The following BMP2K variants were observed in gnomAD, a reference collection of about 807,000 sequenced individuals.
BMP2K encodes the protein BMP2 inducible kinase.
In BMP2K, 74 loss-of-function variants were observed where a neutral mutation model predicts 116.0. That is an observed-to-expected ratio of 0.64 (90% CI 0.53 to 0.77). The LOEUF (loss-of-function observed/expected upper bound fraction) is 0.77, where lower values mean the gene tolerates loss of function less well. Among genes scored for constraint, BMP2K ranks in the 30% least tolerant of loss-of-function variants. The pLI, the probability that BMP2K is intolerant of heterozygous loss-of-function variation, is 0.00. For missense variants in BMP2K, 1,365 were observed against 1,403.6 expected (o/e 0.97, Z 0.44); for synonymous variants, 486 against 502.5 (o/e 0.97, Z 0.44).
chr4:78,800,110 G>A (rs1728495916), intron 1 of BMP2K, among the ~76,000 whole-genome samples: 1 of 152,180 alleles, frequency 6.6e-6, no homozygotes, highest in Non-Finnish European at 1.5e-5. Context: ...TTGAACAATT[G>A]TAGAGTGTGC....
rs528261157 is a variant in BMP2K, at chr4:78,859,785, A to G, written c.987+98A>G. The stretch of plus-strand genomic sequence containing the variant: ...TTACTTTTTTTTTGTTGCTGTTGCT[A>G]AAACTCAGAGTTTCTTGTTTCATGA... On this transcript the variant is annotated intron_variant, in intron 8 of 15. Coordinates refer to ENST00000502613, the MANE Select transcript of BMP2K (RefSeq NM_198892.2). 6.4e-6 allele frequency: 5 copies of G among 783,952 alleles called. No individual in the cohort carries two copies. In the East Asian group the frequency reaches 1.3e-4, roughly 21 times the overall value. 48.6% of individuals were successfully genotyped at this position (783,952 alleles called of 1,614,324 possible).
chr4:78,895,376 T>G (rs1387094209), intron 15 of BMP2K, among the ~76,000 whole-genome samples: 1 of 152,232 alleles, frequency 6.6e-6, no homozygotes, highest in Non-Finnish European at 1.5e-5. Context: ...TTCACACATT[T>G]TGATATGCTG....
At chr4:78,846,177 A>G (rs1730988672) in intron 5 of BMP2K, among the ~76,000 whole-genome samples, 1 of 151,656 alleles carries the variant, frequency 6.6e-6, no homozygotes, top group African/African-American at 2.4e-5. Flanking sequence ...ATTAGCGATG[A>G]ACAAAAGTTC....
chr4:78,820,907 C>T (rs894052266), intron 1 of BMP2K: 8 of 152,962 alleles, frequency 5.2e-5, no homozygotes, highest in Admixed American at 3.9e-4. Context: ...CTTTTATCCT[C>T]TGAAAAAAAT....
rs1734569856 is a variant in BMP2K, at chr4:78,911,082, T to A, written c.2535T>A (p.Asp845Glu). The A allele has an allele frequency of 6.2e-7, 1 of 1,613,862 alleles. No individual in the cohort carries two copies. Among genetic ancestry groups the A allele is most frequent in the Non-Finnish European group, 8.5e-7 (1 of 1,179,882 alleles). ...ILLTSAQLSS[D>E]VAVETPKQEF... Reference sequence around the variant, plus strand: ...TCACCTCAGCCCAATTATCCTCTGATGTTGCAGTGGAGACTCCCAAACAGG... The same window carrying A: ...TCACCTCAGCCCAATTATCCTCTGAAGTTGCAGTGGAGACTCCCAAACAGG... The change falls in exon 16 of 16, where the codon GAT (aspartate) becomes GAA (glutamate). Residue 845 changes from aspartate (D) to glutamate (E), a missense_variant. Asp to Glu is a conservative substitution (Grantham distance 45). Around this residue, in one of 3 missense-constraint regions of BMP2K, gnomAD observed 596 missense variants for 623.2 expected, o/e 0.96. Transcript: ENST00000502613.
intron 7 of BMP2K, among the ~76,000 whole-genome samples, chr4:78,853,625 A>C (rs1323892044): frequency 6.6e-6 from 1 of 152,142 alleles, no homozygotes; most frequent in East Asian, 1.9e-4. Context: ...GTGATTAAAG[A>C]AGTACATTGC....
rs556963087 is a variant in BMP2K, at chr4:78,833,820, AT to A, written c.403+135del. 1.4e-5 allele frequency: 9 copies of A among 621,470 alleles called. No individual in the cohort carries two copies. The East Asian group carries it at 2.8e-4, about 19-fold the overall frequency. The allele number at this position is 621,470 out of a possible 1,614,324, so 38.5% of individuals were successfully genotyped here. On this transcript the variant is annotated intron_variant, in intron 3 of 15. Coordinates refer to ENST00000502613, the MANE Select transcript of BMP2K (RefSeq NM_198892.2). ...TTGTAATCTTACCTTTCATTATCTA[AT>A]TAGGAATATTGTTAAAACATTATTT...
chr4:78,840,048 T>C lies in BMP2K; in HGVS notation c.404-2337T>C, dbSNP rs115387358. 3.1e-3 allele frequency among the ~76,000 whole-genome samples: 479 copies of C among 152,272 alleles called. 4 individuals carry two copies. Among genetic ancestry groups the C allele is most frequent in the African/African-American group, 0.011 (448 of 41,546 alleles). On this transcript the variant is annotated intron_variant, in intron 3 of 15. Transcript: ENST00000502613. The stretch of plus-strand genomic sequence containing the variant: ...TTGTAAAAATAAAAAAGTCATATTA[T>C]CAAAAATTTAAATGGAGTAATAGGT...
In BMP2K at chr4:78,776,734, GGGGAGGCTCGGACAGGC is replaced by G; in HGVS notation, c.178+14_178+30del. The G allele has an allele frequency of 7.9e-7, 1 of 1,262,178 alleles. No individual in the cohort carries two copies. Among genetic ancestry groups the G allele is most frequent in the Non-Finnish European group, 1.0e-6 (1 of 999,828 alleles). The allele number at this position is 1,262,178 out of a possible 1,614,324, so 78.2% of individuals were successfully genotyped here. A position where few individuals can be genotyped will look rare whatever the true frequency, so the allele number is the denominator to read the frequency against. On this transcript the variant is annotated intron_variant, in intron 1 of 15. Transcript: ENST00000502613. ...TCGCTGGCCGAAGGTACGGGCGCCC[GGGGAGGCTCGGACAGGC>G]AGGTGAGGGAGGGTTGGGGTGTGGC... is the stretch of plus-strand genomic sequence containing the variant.
At chr4:78,908,830 T>C (rs1329557181) in intron 15 of BMP2K, among the ~76,000 whole-genome samples, 1 of 152,132 alleles carries the variant, frequency 6.6e-6, no homozygotes. Context: ...TTGATACAGG[T>C]ATACAGTGCA....
chr4:78,779,635 A>G (rs2109913536), intron 1 of BMP2K, among the ~76,000 whole-genome samples: 1 of 152,376 alleles, frequency 6.6e-6, no homozygotes, highest in Middle Eastern at 3.4e-3. Context: ...GTTAGTGAGT[A>G]GATGAATTTG....
intron 14 of BMP2K, among the ~76,000 whole-genome samples, chr4:78,885,086 A>C (rs1733013526): frequency 1.3e-5 from 2 of 152,224 alleles, no homozygotes; most frequent in East Asian, 3.8e-4. Context: ...ACTTAAGTTT[A>C]GGAAGTTTTG....
At chr4:78,853,351 T>C (rs1731348621) in intron 7 of BMP2K, among the ~76,000 whole-genome samples, 1 of 152,168 alleles carries the variant, frequency 6.6e-6, no homozygotes, top group Non-Finnish European at 1.5e-5. Flanking sequence ...TTCTTCTTTC[T>C]TTCCTGGAGA....
intron 15 of BMP2K, among the ~76,000 whole-genome samples, chr4:78,890,404 GCACACA>G (rs149825379): frequency 1.4e-5 from 2 of 148,076 alleles, no homozygotes; most frequent in South Asian, 4.3e-4. Context: ...ACAATCATGC[GCACACA>G]CACACACACA....
At position 78,850,910 on chromosome 4, in the gene BMP2K, T is replaced by C. The variant is rs955764113; in HGVS notation, c.751-14T>C. ...CTTGAGCTCTAATGATATTTATGCT[T>C]CTTTGGTTTACAGGCACTGGGATGT... On this transcript the variant is annotated splice_polypyrimidine_tract_variant and intron_variant, in intron 6 of 15. Transcript: ENST00000502613. 1 of 1,609,712 alleles carries C rather than the reference T, an allele frequency of 6.2e-7. No individual in the cohort carries two copies. The highest frequency in any genetic ancestry group is 8.5e-7 in the Non-Finnish European group (1 of 1,177,754).
chr4:78,906,959 A>G (rs1734316446), intron 15 of BMP2K, among the ~76,000 whole-genome samples: 1 of 152,174 alleles, frequency 6.6e-6, no homozygotes, highest in Non-Finnish European at 1.5e-5. Context: ...TTAATTACCC[A>G]TGAGGAGGGA....
rs146800246 is a variant in BMP2K, at chr4:78,853,447, G to A, written c.883+2391G>A. ...CTCCCAATAGACAAGTAATGGGGCC[G>A]ACATGGGGGATGAGGAAAGAAGTAC... On this transcript the variant is annotated intron_variant, in intron 7 of 15. Coordinates refer to ENST00000502613, the MANE Select transcript of BMP2K (RefSeq NM_198892.2). Among the ~76,000 whole-genome samples, 18 of 152,210 alleles carry A rather than the reference G, an allele frequency of 1.2e-4. No homozygotes were observed. The East Asian group carries it at 2.9e-3, about 25-fold the overall frequency.
At chr4:78,830,381 A>G (rs1412895476) in intron 2 of BMP2K, among the ~76,000 whole-genome samples, 1 of 152,222 alleles carries the variant, frequency 6.6e-6, no homozygotes, top group African/African-American at 2.4e-5. Context: ...CAAACAGAGT[A>G]GGTTTAGCAT....
chr4:78,805,285 A>C (rs1261720778), intron 1 of BMP2K, among the ~76,000 whole-genome samples: 1 of 152,238 alleles, frequency 6.6e-6, no homozygotes, highest in Non-Finnish European at 1.5e-5. Flanking sequence ...GTTACCTTCT[A>C]CCAGTACCAC....
Sources: allele counts gnomAD v4.1 joint callset (sites outside exome capture counted in the v4.1 genomes callset), GRCh38; gene constraint gnomAD v4.1.1; regional missense constraint gnomAD v4.1.1; transcripts MANE v1.5; gene names NCBI Gene and HGNC (gene_info 2026-07-23, HGNC 2026-07-21).